NPAS3: variants seen among roughly 807,000 people sequenced by gnomAD.
NPAS3 encodes neuronal PAS domain protein 3, also known as neuronal PAS domain-containing protein 3.
Under a neutral mutation model 73.1 loss-of-function variants are expected in NPAS3, and 14 were observed. That is an observed-to-expected ratio of 0.19 (90% CI 0.13 to 0.30). NPAS3 has a LOEUF of 0.30. Ranked by LOEUF, NPAS3 falls within the 10% of genes least tolerant of loss-of-function variation. The pLI is 1.00. For missense variants in NPAS3, 1,096 were observed against 1,250.0 expected (o/e 0.88, Z 1.86); for synonymous variants, 620 against 541.5 (o/e 1.14, Z -2.01).
At chr14:33,140,908 C>A (rs924531539) in intron 2 of NPAS3, among the ~76,000 whole-genome samples, 2 of 152,122 alleles carry the variant, frequency 1.3e-5, no homozygotes, top group Non-Finnish European at 2.9e-5. Context: ...ATGGGGAAAT[C>A]CTAAAGCTGC....
At chr14:33,162,673 A>C (rs1195694039) in intron 2 of NPAS3, among the ~76,000 whole-genome samples, 3 of 119,530 alleles carry the variant, frequency 2.5e-5, no homozygotes, top group African/African-American at 9.9e-5. Context: ...AAAAACAAGC[A>C]AAAAAAAAAG....
intron 2 of NPAS3, among the ~76,000 whole-genome samples, chr14:33,163,659 G>A (rs1011603298): frequency 8.2e-6 from 1 of 122,336 alleles, no homozygotes; most frequent in African/African-American, 3.0e-5. Context: ...TTGCATCTGT[G>A]TCCTTGAACC....
intron 2 of NPAS3, among the ~76,000 whole-genome samples, chr14:33,123,861 CTTTTTTTTTT>C (rs35332896): frequency 1.2e-5 from 1 of 81,144 alleles, no homozygotes; most frequent in African/African-American, 3.4e-5. Flanking sequence ...TTCTTTCTTT[CTTTTTTTTTT>C]TTTTTTTTGA....
At chr14:33,775,619 A>G (rs1402283294) in intron 8 of NPAS3, among the ~76,000 whole-genome samples, 2 of 152,148 alleles carry the variant, frequency 1.3e-5, no homozygotes, top group African/African-American at 4.8e-5. Context: ...AAGATAACCC[A>G]CCTGAGCTAT....
intron 4 of NPAS3, among the ~76,000 whole-genome samples, chr14:33,465,419 G>A (rs552451341): frequency 6.6e-6 from 1 of 152,212 alleles, no homozygotes; most frequent in South Asian, 2.1e-4. Flanking sequence ...AGTAAGATCA[G>A]TCACATGCAT....
At chr14:33,164,604 G>C (rs192864212) in intron 2 of NPAS3, among the ~76,000 whole-genome samples, 3 of 152,142 alleles carry the variant, frequency 2.0e-5, no homozygotes, top group African/African-American at 7.2e-5. Flanking sequence ...ATGGCAACTA[G>C]TGTTTATTGA....
chr14:33,354,880 T>C (rs2045261672), intron 3 of NPAS3, among the ~76,000 whole-genome samples: 2 of 152,196 alleles, frequency 1.3e-5, no homozygotes, highest in South Asian at 4.1e-4. Context: ...CGTCATTTAT[T>C]GGCTAGACTA....
At chr14:33,050,302 C>T (rs2040659076) in intron 1 of NPAS3, among the ~76,000 whole-genome samples, 1 of 152,088 alleles carries the variant, frequency 6.6e-6, no homozygotes. Flanking sequence ...TTTCTTATGT[C>T]TTCAACCCAT....
chr14:33,776,231 C>G lies in NPAS3; in HGVS notation c.1046+1701C>G, dbSNP rs548760420. Among the ~76,000 whole-genome samples the G allele has an allele frequency of 2.6e-5, 4 of 152,196 alleles. No homozygotes were observed. The East Asian group carries it at 7.7e-4, about 29-fold the overall frequency. Reference sequence around the variant, plus strand: ...AGAATGCTGGAGAAGGAGATCCAACCAGGGAAGACAGACATCAAATCAGAG... The same window carrying G: ...AGAATGCTGGAGAAGGAGATCCAACGAGGGAAGACAGACATCAAATCAGAG... On this transcript the variant is annotated intron_variant, in intron 8 of 11. Coordinates refer to ENST00000356141, the Ensembl canonical transcript of NPAS3.
intron 7 of NPAS3, among the ~76,000 whole-genome samples, chr14:33,760,702 C>G (rs1355147012): frequency 7.5e-6 from 1 of 132,904 alleles, no homozygotes; most frequent in South Asian, 2.2e-4. Flanking sequence ...CTAAACCAAA[C>G]AAGTTAAAAA....
chr14:33,327,941 A>T (rs2043785797), intron 3 of NPAS3, among the ~76,000 whole-genome samples: 2 of 152,112 alleles, frequency 1.3e-5, no homozygotes, highest in South Asian at 4.1e-4. Context: ...TTTTTCTGCC[A>T]GTTGTTTTGG....
At chr14:33,481,896 C>A (rs944478122) in intron 4 of NPAS3, among the ~76,000 whole-genome samples, 4 of 151,832 alleles carry the variant, frequency 2.6e-5, no homozygotes, top group Non-Finnish European at 4.4e-5. Flanking sequence ...ATAATGAGTT[C>A]ATTGAAAAGA....
At chr14:33,338,514 A>G (rs2140302154) in intron 3 of NPAS3, among the ~76,000 whole-genome samples, 1 of 152,218 alleles carries the variant, frequency 6.6e-6, no homozygotes, top group South Asian at 2.1e-4. Context: ...TCTTTTTCCA[A>G]GGAAGAAATG....
intron 7 of NPAS3, among the ~76,000 whole-genome samples, chr14:33,745,709 G>C (rs750396460): frequency 6.6e-6 from 1 of 152,146 alleles, no homozygotes; most frequent in Non-Finnish European, 1.5e-5. Context: ...TTATCTCCTG[G>C]AAGTTATATG....
At chr14:33,410,443 A>G (rs73262735) in intron 4 of NPAS3, among the ~76,000 whole-genome samples, 3,573 of 152,200 alleles carry the variant, frequency 0.023, 152 homozygotes, top group African/African-American at 0.082. Flanking sequence ...TTTAAGTGCT[A>G]GTTGATTCAA....
intron 3 of NPAS3, among the ~76,000 whole-genome samples, chr14:33,264,092 A>G (rs968570555): frequency 6.6e-6 from 1 of 152,350 alleles, no homozygotes; most frequent in Non-Finnish European, 1.5e-5. Flanking sequence ...CTATGCGGCC[A>G]TAAAAAATGA....
At chr14:33,179,630 G>C (rs980015544) in intron 2 of NPAS3, among the ~76,000 whole-genome samples, 14 of 152,094 alleles carry the variant, frequency 9.2e-5, no homozygotes, top group African/African-American at 3.4e-4. Flanking sequence ...TATTATGTCT[G>C]ATCTGAATCA....
intron 5 of NPAS3, among the ~76,000 whole-genome samples, chr14:33,661,926 C>T (rs2059320311): frequency 2.0e-5 from 3 of 152,186 alleles, no homozygotes; most frequent in African/African-American, 7.2e-5. Flanking sequence ...TTTTGCTCTT[C>T]TGTTGGCTTT....
At chr14:32,951,775 A>G (rs1342882034) in intron 1 of NPAS3, among the ~76,000 whole-genome samples, 1 of 152,090 alleles carries the variant, frequency 6.6e-6, no homozygotes, top group Non-Finnish European at 1.5e-5. Flanking sequence ...AGAGGAATAA[A>G]TTTCTGTAGT....
Sources: gnomAD v4.1 joint callset for allele counts (sites outside exome capture counted in the v4.1 genomes callset) on GRCh38, gnomAD v4.1.1 for gene constraint, MANE v1.5 for transcripts, NCBI Gene and HGNC (gene_info 2026-07-23, HGNC 2026-07-21) for gene names.